Variants in GTPBP6 observed in about 807,000 individuals in gnomAD.
GTPBP6 encodes putative GTP-binding protein 6.
GTPBP6 carries 33 observed loss-of-function variants against 28.9 expected under a neutral mutation model. The ratio of observed to expected loss-of-function variants is 1.14; its 90% confidence interval spans 0.87 to 1.53. The LOEUF (loss-of-function observed/expected upper bound fraction) is 1.53. Among genes scored for constraint, GTPBP6 ranks in the 40% most tolerant of loss-of-function variants. GTPBP6 has a pLI of 0.00. For missense variants in GTPBP6, 507 were observed against 408.3 expected (o/e 1.24, Z -2.08); for synonymous variants, 231 against 192.7 (o/e 1.20, Z -1.65).
intron 7 of GTPBP6, among the ~76,000 whole-genome samples, chrX:308,205 C>A (rs955449486): frequency 2.0e-5 from 3 of 152,104 alleles, no homozygotes; most frequent in Non-Finnish European, 2.9e-5. Context: ...AGCTTTAGGG[C>A]GGCTTCATCC....
intron 5 of GTPBP6, among the ~76,000 whole-genome samples, chrX:313,426 C>A (rs1448171465): frequency 6.6e-6 from 1 of 152,080 alleles, no homozygotes; most frequent in East Asian, 1.9e-4. Context: ...ACGCCTGGAG[C>A]CCCCAGGAGC....
At chrX:317,695 A>AACCCCACCCCACCCCACCCC (rs1205733115) in intron 1 of GTPBP6, among the ~76,000 whole-genome samples, 6 of 74,812 alleles carry the variant, frequency 8.0e-5, no homozygotes, top group East Asian at 3.9e-4. Flanking sequence ...CGGCCCACCC[A>AACCCCACCCCACCCCACCCC]ACCCCACCCC....
Position 307,503 on chromosome X carries a change from G to A in GTPBP6, c.1284C>T (p.Pro428=), listed in dbSNP as rs773814553. 3.1e-6 allele frequency: 5 copies of A among 1,610,986 alleles called. No individual in the cohort carries two copies. The African/African-American group carries it at 6.7e-5, about 22-fold the overall frequency. ...ACACGGGCACGACGTTCGGTTCCGT[G>A]GGGCTGTACCTGCAAGGGTGGGGAT... Residue 428 remains proline, a synonymous_variant, in exon 9 of 10, where the codon CCC becomes CCT. Transcript: ENST00000326153.
intron 2 of GTPBP6, among the ~76,000 whole-genome samples, 169 bp from the exon 3 acceptor site, chrX:315,468 G>C (rs1234387707): frequency 6.6e-6 from 1 of 151,952 alleles, no homozygotes; most frequent in African/African-American, 2.4e-5. Flanking sequence ...GGGAGGGGGT[G>C]TGTCTCTAGG....
At chrX:310,760 C>T (rs1329270857) in intron 7 of GTPBP6, among the ~76,000 whole-genome samples, 1 of 151,546 alleles carries the variant, frequency 6.6e-6, no homozygotes, top group Non-Finnish European at 1.5e-5. Context: ...GGTCAGCTCC[C>T]GCTTTCTGGA....
chrX:314,734 C>G (rs1172952403), intron 4 of GTPBP6, among the ~76,000 whole-genome samples, 156 bp downstream of exon 4: 2 of 151,998 alleles, frequency 1.3e-5, no homozygotes, highest in African/African-American at 4.8e-5. Context: ...CCTCGGCCTC[C>G]CAAAGTGCTG....
exon 1 of GTPBP6, chrX:318,532 G>A: frequency 1.8e-5 from 7 of 398,456 alleles, no homozygotes; most frequent in South Asian, 1.3e-4. Flanking sequence ...GGCTCTCCCC[G>A]CAGCAGCTCC....
chrX:312,425 C>A (rs778162953), intron 6 of GTPBP6: 2 of 537,934 alleles, frequency 3.7e-6, no homozygotes, highest in South Asian at 3.1e-5. Flanking sequence ...ATAGATAGGG[C>A]AGTGGGGATG....
chrX:318,652 T>A (rs1305133649), exon 1 of GTPBP6: 1 of 396,974 alleles, frequency 2.5e-6, no homozygotes, highest in Non-Finnish European at 4.4e-6. Flanking sequence ...CCCTCCAGAT[T>A]CCCGGGGCTC....
chrX:315,460 G>C (rs1191925326), intron 2 of GTPBP6, among the ~76,000 whole-genome samples, 161 bp from the exon 3 acceptor site: 1 of 152,070 alleles, frequency 6.6e-6, no homozygotes, highest in Admixed American at 6.6e-5. Flanking sequence ...GTCAGCGTGG[G>C]AGGGGGTGTG....
intron 9 of GTPBP6, among the ~76,000 whole-genome samples, chrX:307,128 C>A (rs1242008442): frequency 1.3e-5 from 2 of 151,652 alleles, no homozygotes; most frequent in African/African-American, 2.4e-5. Context: ...AGATTAGGCA[C>A]CTGTTGTATG....
intron 9 of GTPBP6, among the ~76,000 whole-genome samples, chrX:306,847 C>G (rs897032885): frequency 4.1e-5 from 6 of 147,834 alleles, no homozygotes; most frequent in Non-Finnish European, 8.9e-5. Context: ...TTTTGAGTGT[C>G]AGCACAGATT....
At chrX:312,791 G>A (rs200125469) in exon 6 of GTPBP6, 1 of 1,612,426 alleles carries the variant, frequency 6.2e-7, no homozygotes, top group Non-Finnish European at 8.5e-7. Context: ...CCACCACGGA[G>A]ATCACGGGGA....
intron 5 of GTPBP6, among the ~76,000 whole-genome samples, chrX:313,712 G>A (rs1260849873): frequency 3.4e-5 from 5 of 147,920 alleles, no homozygotes; most frequent in East Asian, 4.2e-4. Flanking sequence ...ACGTGGAGAC[G>A]GAGGCAGAGA....
At chrX:314,851 G>A (rs1452049705) in intron 4 of GTPBP6, 39 bp downstream of exon 4, 1 of 399,782 alleles carries the variant, frequency 2.5e-6, no homozygotes, top group Non-Finnish European at 4.4e-6. Context: ...TTCCGGGAGT[G>A]GACGTGACGC....
chrX:312,090 G>C (rs933727301), intron 6 of GTPBP6: 16 of 456,290 alleles, frequency 3.5e-5, no homozygotes, highest in African/African-American at 1.8e-4. Flanking sequence ...CGATGGTGTA[G>C]ACAGATGGGT....
At chrX:314,863 C>G in intron 4 of GTPBP6, 27 bp downstream of exon 4, 1 of 399,404 alleles carries the variant, frequency 2.5e-6, no homozygotes, top group South Asian at 1.3e-4. Flanking sequence ...ACGTGACGCT[C>G]GGCGCGGCCC....
intron 7 of GTPBP6, among the ~76,000 whole-genome samples, chrX:310,971 G>A (rs1267331631): frequency 1.3e-5 from 2 of 152,096 alleles, no homozygotes; most frequent in Non-Finnish European, 2.9e-5. Context: ...CGTGGAGCAG[G>A]TGCACCCGGG....
exon 1 of GTPBP6, chrX:318,464 G>T (rs1171587723): frequency 7.5e-6 from 3 of 398,494 alleles, no homozygotes; most frequent in Non-Finnish European, 1.3e-5. Context: ...ACTTCCCCGG[G>T]CCCCACTTGA....
Sources: gnomAD v4.1 joint callset for allele counts (sites outside exome capture counted in the v4.1 genomes callset) on GRCh38, gnomAD v4.1.1 for gene constraint, MANE v1.5 for transcripts, NCBI Gene and HGNC (gene_info 2026-07-23, HGNC 2026-07-21) for gene names.